DCT: variants seen among roughly 807,000 people sequenced by gnomAD.
DCT encodes the protein dopachrome tautomerase.
Under a neutral mutation model 53.0 loss-of-function variants are expected in DCT, and 47 were observed. That is an observed-to-expected ratio of 0.89 (90% CI 0.70 to 1.13). The LOEUF (loss-of-function observed/expected upper bound fraction) is 1.13. Ranked by LOEUF, DCT falls within the 50% of genes most tolerant of loss-of-function variation. DCT has a pLI of 0.00. For missense variants in DCT, 669 were observed against 637.4 expected (o/e 1.05, Z -0.53); for synonymous variants, 244 against 237.0 (o/e 1.03, Z -0.27).
Position 94,458,219 on chromosome 13 carries a change from C to T in DCT, c.1179+1872G>A, listed in dbSNP as rs552555892. Among the ~76,000 whole-genome samples the T allele has an allele frequency of 1.4e-3, 207 of 152,118 alleles. 1 individual carries two copies. Among genetic ancestry groups the T allele is most frequent in the Middle Eastern group, 0.014 (4 of 294 alleles). On this transcript the variant is annotated intron_variant, in intron 6 of 7. Transcript: ENST00000377028. ...CCACTCATAGAATCAGGAAGCATAC[C>T]CCTGCTTCCTGACAACATCTGATTC... is the stretch of plus-strand genomic sequence containing the variant.
chr13:94,508,672 A>G, the DCT span, among the ~76,000 whole-genome samples: 2 of 152,272 alleles, frequency 1.3e-5, no homozygotes, highest in South Asian at 4.1e-4. Flanking sequence ...TGTTCTGGGA[A>G]AGGGGGATTC....
chr13:94,441,894 T>C (rs960643562), intron 7 of DCT, among the ~76,000 whole-genome samples: 4 of 152,222 alleles, frequency 2.6e-5, no homozygotes, highest in African/African-American at 9.7e-5. Flanking sequence ...GGTAATTATT[T>C]GTTCCATTTT....
In DCT at chr13:94,479,061, T is replaced by C. The variant is rs748736177; in HGVS notation, c.195A>G (p.Arg65=). ...GACCACTCCAGGGCCTTGTGTCGGC[T>C]CGCACCTCTGTGCACTGCCCCCGGC... ...QQGRGQCTEV[R]ADTRPWSGPY... is the part of the protein sequence containing the mutation. The change falls in exon 1 of 8, where the codon CGA becomes CGG. Residue 65 remains arginine, a synonymous_variant. Transcript: ENST00000377028. 1 of 1,614,230 alleles carries C rather than the reference T, an allele frequency of 6.2e-7. No individual in the cohort carries two copies.
At chr13:94,445,771 C>T in intron 6 of DCT, 1 of 1,563,798 alleles carries the variant, frequency 6.4e-7, no homozygotes, top group Non-Finnish European at 8.7e-7. Context: ...TCTGTTGAGA[C>T]ACAAAATTTA....
chr13:94,472,548 ATATATATATATATATATATATTTTTTT>A (rs1884766465), intron 1 of DCT, among the ~76,000 whole-genome samples: 1 of 25,450 alleles, frequency 3.9e-5, no homozygotes, highest in South Asian at 1.5e-3. Context: ...ATATATATAT[ATATATATATATATATATATATTTTTTT>A]TTTTTTTTTT....
chr13:94,523,412 C>T, the DCT span, among the ~76,000 whole-genome samples: 1 of 152,210 alleles, frequency 6.6e-6, no homozygotes, highest in Non-Finnish European at 1.5e-5. Flanking sequence ...ATGCCCCTCA[C>T]CTATGGTATC....
intron 6 of DCT, among the ~76,000 whole-genome samples, chr13:94,457,951 A>G (rs1375927409): frequency 6.6e-6 from 1 of 152,126 alleles, no homozygotes; most frequent in East Asian, 1.9e-4. Context: ...TCAGACATAA[A>G]CGATTTCGTA....
chr13:94,526,684 C>T, the DCT span, among the ~76,000 whole-genome samples: 2 of 152,166 alleles, frequency 1.3e-5, no homozygotes, highest in Non-Finnish European at 2.9e-5. Flanking sequence ...CAGCTCCAGT[C>T]TGCAGCTCCC....
chr13:94,457,778 G>A (rs577956309), intron 6 of DCT, among the ~76,000 whole-genome samples: 17 of 152,246 alleles, frequency 1.1e-4, no homozygotes, highest in African/African-American at 3.6e-4. Context: ...GGTGAGTTGC[G>A]TATCTGTAAA....
chr13:94,491,671 T>C, the DCT span, among the ~76,000 whole-genome samples: 1 of 152,226 alleles, frequency 6.6e-6, no homozygotes. Flanking sequence ...TGGGTCATGC[T>C]GTATGGAAGA....
intron 1 of DCT, among the ~76,000 whole-genome samples, chr13:94,469,521 G>A (rs910491564): frequency 6.6e-6 from 1 of 152,130 alleles, no homozygotes; most frequent in Admixed American, 6.6e-5. Flanking sequence ...CAAGGAGACA[G>A]CCCTCAGAGG....
At chr13:94,518,689 G>C in the DCT span, among the ~76,000 whole-genome samples, 1 of 152,110 alleles carries the variant, frequency 6.6e-6, no homozygotes, top group Non-Finnish European at 1.5e-5. Context: ...ATCCATTCTT[G>C]CTTTCCTCCT....
At chr13:94,452,297 T>C (rs958338491) in intron 6 of DCT, among the ~76,000 whole-genome samples, 1 of 152,202 alleles carries the variant, frequency 6.6e-6, no homozygotes, top group African/African-American at 2.4e-5. Context: ...CCTCCCAAAG[T>C]GCTGGGATTA....
At chr13:94,538,849 C>T in the DCT span, among the ~76,000 whole-genome samples, 3 of 152,302 alleles carry the variant, frequency 2.0e-5, no homozygotes, top group African/African-American at 7.2e-5. Flanking sequence ...TGCTTCTCCT[C>T]CCTCACTCTT....
At chr13:94,526,904 GTACAC>G in the DCT span, among the ~76,000 whole-genome samples, 3 of 152,040 alleles carry the variant, frequency 2.0e-5, no homozygotes, top group Non-Finnish European at 4.4e-5. Context: ...TGGAGAAACA[GTACAC>G]TCCTGACCAA....
upstream of DCT, among the ~76,000 whole-genome samples, chr13:94,483,027 A>G (rs1369100490): frequency 1.3e-5 from 2 of 152,082 alleles, no homozygotes; most frequent in Non-Finnish European, 2.9e-5. Context: ...TAATCCCAAC[A>G]TTTTGGGAGG....
intron 7 of DCT, 63 bp from the exon 8 acceptor site, chr13:94,440,139 A>G: frequency 7.0e-7 from 1 of 1,428,822 alleles, no homozygotes; most frequent in South Asian, 1.3e-5. Flanking sequence ...TCAGAAGAGA[A>G]AAAGAGCAAG....
the DCT span, among the ~76,000 whole-genome samples, chr13:94,502,687 T>A: frequency 3.3e-5 from 5 of 152,248 alleles, no homozygotes; most frequent in East Asian, 5.8e-4. Context: ...AGGTACCTCA[T>A]TCTCCTTGTG....
At chr13:94,546,837 A>G in the DCT span, among the ~76,000 whole-genome samples, 3 of 152,130 alleles carry the variant, frequency 2.0e-5, no homozygotes, top group Non-Finnish European at 2.9e-5. This position sits in a 1 kb window ranked among gnomAD's most constrained non-coding sequence, Gnocchi z 4.2. Flanking sequence ...TAACTGGTAC[A>G]TGACCTTCTA....
Sources: gnomAD v4.1 joint callset for allele counts (sites outside exome capture counted in the v4.1 genomes callset) on GRCh38, gnomAD v4.1.1 for gene constraint, Gnocchi (gnomAD v3.1) non-coding constraint, MANE v1.5 for transcripts, NCBI Gene and HGNC (gene_info 2026-07-23, HGNC 2026-07-21) for gene names.